PBX1: variants seen among roughly 807,000 people sequenced by gnomAD.
PBX1 encodes the protein pre-B-cell leukemia transcription factor 1.
PBX1 carries 6 observed loss-of-function variants against 53.4 expected under a neutral mutation model. The observed-to-expected ratio is 0.11, with a 90% CI of 0.06 to 0.22. PBX1 has a LOEUF of 0.22. Among genes scored for constraint, PBX1 ranks in the 10% least tolerant of loss-of-function variants. The pLI, the probability that PBX1 is intolerant of heterozygous loss-of-function variation, is 1.00. For missense variants in PBX1, 251 were observed against 551.4 expected, an observed-to-expected ratio of 0.46 and a Z score of 5.46; for synonymous variants, 204 against 212.3, an observed-to-expected ratio of 0.96 and a Z score of 0.34.
intron 2 of PBX1, among the ~76,000 whole-genome samples, chr1:164,864,447 G>C (rs1024366025): frequency 6.6e-6 from 1 of 152,070 alleles, no homozygotes; most frequent in African/African-American, 2.4e-5. Context: ...CAGGCTGCTG[G>C]GCTTTTTATT....
chr1:164,634,337 A>C (rs181390116), intron 2 of PBX1, among the ~76,000 whole-genome samples: 95 of 152,340 alleles, frequency 6.2e-4, no homozygotes, highest in Non-Finnish European at 1.1e-3. Context: ...GCTGACACTT[A>C]TCTAGGACTA....
intron 2 of PBX1, among the ~76,000 whole-genome samples, chr1:164,609,321 T>C (rs1557888711): frequency 6.6e-6 from 1 of 152,248 alleles, no homozygotes. Flanking sequence ...ACACAGCTGT[T>C]CCCTGTAACC....
chr1:164,871,748 C>A (rs1672387993), intron 2 of PBX1, among the ~76,000 whole-genome samples: 1 of 152,154 alleles, frequency 6.6e-6, no homozygotes, highest in African/African-American at 2.4e-5. Flanking sequence ...AAAGAACCTT[C>A]CACTATTGTT....
chr1:164,777,330 G>A (rs958538068), intron 2 of PBX1, among the ~76,000 whole-genome samples: 1 of 152,170 alleles, frequency 6.6e-6, no homozygotes, highest in African/African-American at 2.4e-5. Flanking sequence ...GGCTGAGGTG[G>A]GAGAATCGCT....
At chr1:164,566,265 A>G (rs1440549541) in intron 2 of PBX1, among the ~76,000 whole-genome samples, 7 of 152,198 alleles carry the variant, frequency 4.6e-5, no homozygotes, top group Non-Finnish European at 1.0e-4. Context: ...AAAACAAAAC[A>G]AAACAAAAGA....
intron 6 of PBX1, chr1:164,818,214 A>G (rs1167674458): frequency 1.3e-5 from 2 of 152,238 alleles, no homozygotes; most frequent in Admixed American, 6.5e-5. Flanking sequence ...ACACGTGAGA[A>G]TGTGATCTGT....
At chr1:164,672,597 T>C (rs1661178414) in intron 2 of PBX1, among the ~76,000 whole-genome samples, 1 of 152,228 alleles carries the variant, frequency 6.6e-6, no homozygotes, top group Non-Finnish European at 1.5e-5. Context: ...TCCCCCTTTC[T>C]TCTTGAGCTG....
At chr1:164,766,698 T>C (rs1667070948) in intron 2 of PBX1, among the ~76,000 whole-genome samples, 1 of 151,416 alleles carries the variant, frequency 6.6e-6, no homozygotes, top group Non-Finnish European at 1.5e-5. Flanking sequence ...ATTCCAGAAA[T>C]TTTCTTTTCT....
chr1:164,585,565 C>A (rs1350223709), intron 2 of PBX1, among the ~76,000 whole-genome samples: 1 of 152,160 alleles, frequency 6.6e-6, no homozygotes. Context: ...GCATTGAGAA[C>A]CAGTGCATTT....
intron 2 of PBX1, among the ~76,000 whole-genome samples, chr1:164,759,372 C>T (rs192871158): frequency 2.0e-5 from 3 of 152,216 alleles, no homozygotes; most frequent in African/African-American, 7.2e-5. Flanking sequence ...ACATAGATTC[C>T]CAGGGGGTGG....
In PBX1 at chr1:164,588,428, C is replaced by G. The variant is rs1034060398; in HGVS notation, c.265+25117C>G. ...CAGTATATGTAAGTGCACACACACACAGAGATGAGGAAAAAGAGAAAAGAG... is the reference window on the plus strand; with the variant it reads ...CAGTATATGTAAGTGCACACACACAGAGAGATGAGGAAAAAGAGAAAAGAG... On this transcript the variant is annotated intron_variant, in intron 2 of 8. Coordinates refer to ENST00000420696, the MANE Select transcript of PBX1 (RefSeq NM_002585.4). 2.3e-5 allele frequency among the ~76,000 whole-genome samples: 3 copies of G among 130,042 alleles called. No homozygotes were observed. The South Asian group carries it at 7.5e-4, about 33-fold the overall frequency. The allele number at this position is 130,042 out of a possible 152,430, so 85.3% of individuals were successfully genotyped here.
At chr1:164,839,379 A>G (rs1484453696) in intron 8 of PBX1, among the ~76,000 whole-genome samples, 3 of 152,242 alleles carry the variant, frequency 2.0e-5, no homozygotes, top group Non-Finnish European at 4.4e-5. Context: ...GTAATTAAAA[A>G]CTAAGTGATT....
At chr1:164,694,607 C>T (rs986220828) in intron 2 of PBX1, among the ~76,000 whole-genome samples, 1 of 152,160 alleles carries the variant, frequency 6.6e-6, no homozygotes, top group African/African-American at 2.4e-5. Flanking sequence ...CAGAGCAGAC[C>T]TCATCAATCC....
At chr1:164,673,121 CA>C (rs1345169373) in intron 2 of PBX1, among the ~76,000 whole-genome samples, 1 of 151,956 alleles carries the variant, frequency 6.6e-6, no homozygotes, top group Non-Finnish European at 1.5e-5. Context: ...TGTTTGAACC[CA>C]AGCAAATCCA....
At chr1:164,697,053 C>T (rs1662837865) in intron 2 of PBX1, among the ~76,000 whole-genome samples, 1 of 152,160 alleles carries the variant, frequency 6.6e-6, no homozygotes, top group African/African-American at 2.4e-5. Flanking sequence ...ATATCACCTA[C>T]TTCATGGGGT....
chr1:164,794,719 G>A (rs976739652), intron 3 of PBX1, among the ~76,000 whole-genome samples: 4 of 152,130 alleles, frequency 2.6e-5, no homozygotes, highest in Non-Finnish European at 2.9e-5. Flanking sequence ...CAGACCTCTC[G>A]CTGACCTCTT....
At chr1:164,786,740 C>CAT (rs1558007347) in intron 2 of PBX1, among the ~76,000 whole-genome samples, 4 of 150,388 alleles carry the variant, frequency 2.7e-5, no homozygotes, top group African/African-American at 9.8e-5. Flanking sequence ...CACACACACA[C>CAT]GCACAGAATA....
chr1:164,593,847 A>C (rs1655576507), intron 2 of PBX1, among the ~76,000 whole-genome samples: 1 of 152,186 alleles, frequency 6.6e-6, no homozygotes, highest in African/African-American at 2.4e-5. Flanking sequence ...TGTTCTGAGA[A>C]TCTCTTGCTC....
rs117835168 is a variant in PBX1, at chr1:164,627,526, G to A, written c.265+64215G>A. Among the ~76,000 whole-genome samples, 16 of 152,250 alleles carry A rather than the reference G, an allele frequency of 1.1e-4. No individual in the cohort carries two copies. The East Asian group carries it at 1.2e-3, about 11-fold the overall frequency. On this transcript the variant is annotated intron_variant, in intron 2 of 8. Coordinates refer to ENST00000420696, the MANE Select transcript of PBX1 (RefSeq NM_002585.4). ...GGTGGTGGCATTTGAGAATGGACCC[G>A]CAGCATCGTGAACAGGAAAGCTAGA...
Sources: allele counts gnomAD v4.1 joint callset (sites outside exome capture counted in the v4.1 genomes callset), GRCh38; gene constraint gnomAD v4.1.1; transcripts MANE v1.5; gene names NCBI Gene and HGNC (gene_info 2026-07-23, HGNC 2026-07-21).